Variants in RNGTT observed in about 807,000 individuals in gnomAD.
The protein encoded by RNGTT is RNA guanylyltransferase and 5'-phosphatase.
Under a neutral mutation model 79.3 loss-of-function variants are expected in RNGTT, and 33 were observed. That is an observed-to-expected ratio of 0.42 (90% CI 0.32 to 0.56). The LOEUF (loss-of-function observed/expected upper bound fraction) is 0.56. Among genes scored for constraint, RNGTT ranks in the 20% least tolerant of loss-of-function variants. The probability of loss-of-function intolerance (pLI) is 0.17; values close to 1 mark genes in which losing one functional copy is unlikely to be tolerated. For missense variants in RNGTT, 497 were observed against 739.1 expected, an observed-to-expected ratio of 0.67 and a Z score of 3.80; for synonymous variants, 222 against 235.9, an observed-to-expected ratio of 0.94 and a Z score of 0.54.
At chr6:88,843,911 A>T (rs1234651070) in intron 11 of RNGTT, among the ~76,000 whole-genome samples, 1 of 149,080 alleles carries the variant, frequency 6.7e-6, no homozygotes, top group Non-Finnish European at 1.5e-5. Context: ...GAAAACCTTC[A>T]ATGTATGTGT....
intron 13 of RNGTT, among the ~76,000 whole-genome samples, chr6:88,749,891 T>C (rs1777785392): frequency 2.0e-5 from 3 of 152,178 alleles, no homozygotes; most frequent in Admixed American, 2.0e-4. Flanking sequence ...GAAGAATGCT[T>C]TCTTGCCTCT....
chr6:88,843,051 A>G (rs1234728608), intron 11 of RNGTT, among the ~76,000 whole-genome samples: 1 of 151,854 alleles, frequency 6.6e-6, no homozygotes, highest in Non-Finnish European at 1.5e-5. Flanking sequence ...CTCCAGGCTG[A>G]GCAAGAGTGA....
At chr6:88,834,966 T>C (rs1781015741) in intron 11 of RNGTT, among the ~76,000 whole-genome samples, 1 of 152,136 alleles carries the variant, frequency 6.6e-6, no homozygotes, top group African/African-American at 2.4e-5. Flanking sequence ...AGTAAAAGAA[T>C]AACCTTTGTA....
At chr6:88,844,324 T>C (rs1781415385) in intron 11 of RNGTT, 33 bp downstream of exon 11, 4 of 1,574,346 alleles carry the variant, frequency 2.5e-6, no homozygotes, top group Admixed American at 1.7e-5. Context: ...TGAGACATTA[T>C]TAGCACTAAT....
At chr6:88,761,913 G>A (rs1010746517) in intron 13 of RNGTT, among the ~76,000 whole-genome samples, 4 of 152,118 alleles carry the variant, frequency 2.6e-5, no homozygotes, top group Non-Finnish European at 5.9e-5. Flanking sequence ...TAGTGGTCGT[G>A]TCTGTTTAAA....
intron 8 of RNGTT, among the ~76,000 whole-genome samples, chr6:88,859,672 C>T (rs926285971): frequency 1.3e-5 from 2 of 152,134 alleles, no homozygotes; most frequent in African/African-American, 4.8e-5. Flanking sequence ...GGATGCCTTG[C>T]CCAGAAGCTG....
intron 11 of RNGTT, among the ~76,000 whole-genome samples, chr6:88,842,621 TG>T (rs1280579243): frequency 6.6e-6 from 1 of 152,106 alleles, no homozygotes; most frequent in African/African-American, 2.4e-5. Context: ...CCTGAAGGAA[TG>T]GAAGAGTAAA....
chr6:88,797,405 G>C (rs1779633631), intron 12 of RNGTT, among the ~76,000 whole-genome samples: 1 of 152,104 alleles, frequency 6.6e-6, no homozygotes, highest in African/African-American at 2.4e-5. Flanking sequence ...AAAAGATAAA[G>C]TCAAAAAAGT....
At chr6:88,707,616 C>G (rs565130990) in intron 13 of RNGTT, among the ~76,000 whole-genome samples, 1 of 151,844 alleles carries the variant, frequency 6.6e-6, no homozygotes, top group South Asian at 2.1e-4. Context: ...AATGTCAGTG[C>G]CTGTTTCCCT....
In RNGTT at chr6:88,678,427, GA is replaced by G. The variant is rs760842093; in HGVS notation, c.1440-9del. On this transcript the variant is annotated splice_polypyrimidine_tract_variant and intron_variant, in intron 13 of 15. Coordinates refer to ENST00000369485, the MANE Select transcript of RNGTT (RefSeq NM_003800.5). ...ACATTCTGAGGAAGTAACCTACAAA[GA>G]AAAAAAAGCATTATTTATAAAATAC... is the stretch of plus-strand genomic sequence containing the variant. The G allele has an allele frequency of 3.7e-4, 513 of 1,385,444 alleles. No homozygotes were observed. The highest frequency in any genetic ancestry group is 4.6e-4 in the Non-Finnish European group (486 of 1,059,450). The allele number at this position is 1,385,444 out of a possible 1,614,324, so 85.8% of individuals were successfully genotyped here.
chr6:88,648,472 A>G (rs867918200), intron 14 of RNGTT, among the ~76,000 whole-genome samples: 1 of 126,994 alleles, frequency 7.9e-6, no homozygotes, highest in African/African-American at 4.0e-5. Flanking sequence ...TTAAAGTATT[A>G]TAATAATAAT....
At chr6:88,708,107 C>T (rs1373572259) in intron 13 of RNGTT, among the ~76,000 whole-genome samples, 1 of 151,948 alleles carries the variant, frequency 6.6e-6, no homozygotes, top group Non-Finnish European at 1.5e-5. Flanking sequence ...TATGAATACA[C>T]TTTGTAACTT....
intron 12 of RNGTT, among the ~76,000 whole-genome samples, chr6:88,780,945 G>T (rs1421638595): frequency 2.6e-5 from 4 of 152,154 alleles, no homozygotes; most frequent in Non-Finnish European, 4.4e-5. Flanking sequence ...GGCAATGCGT[G>T]GAGACATTTT....
intron 2 of RNGTT, among the ~76,000 whole-genome samples, chr6:88,930,165 C>CATATATATGT (rs1398536895): frequency 1.4e-5 from 2 of 147,070 alleles, no homozygotes; most frequent in African/African-American, 5.0e-5. Context: ...TACATATATA[C>CATATATATGT]ATATACATAT....
At chr6:88,796,929 T>C (rs1380420638) in intron 12 of RNGTT, among the ~76,000 whole-genome samples, 1 of 152,090 alleles carries the variant, frequency 6.6e-6, no homozygotes, top group East Asian at 1.9e-4. Context: ...TCTGGAAATT[T>C]CTGACATTTA....
intron 4 of RNGTT, among the ~76,000 whole-genome samples, chr6:88,923,059 C>T (rs1489610536): frequency 6.6e-6 from 1 of 152,138 alleles, no homozygotes; most frequent in Non-Finnish European, 1.5e-5. Flanking sequence ...ACTTTTAAGA[C>T]TTTAGGTAAG....
intron 13 of RNGTT, among the ~76,000 whole-genome samples, chr6:88,722,283 T>C (rs1232423963): frequency 6.6e-6 from 1 of 151,968 alleles, no homozygotes; most frequent in Non-Finnish European, 1.5e-5. Flanking sequence ...AACAAATATA[T>C]ACAAATTTTA....
chr6:88,651,241 G>C (rs1297938898), intron 14 of RNGTT, among the ~76,000 whole-genome samples: 1 of 152,116 alleles, frequency 6.6e-6, no homozygotes, highest in East Asian at 1.9e-4. Flanking sequence ...GCAGAACTCA[G>C]AAAGGGTTCA....
At chr6:88,620,031 G>A (rs1429628309) in intron 14 of RNGTT, among the ~76,000 whole-genome samples, 1 of 152,166 alleles carries the variant, frequency 6.6e-6, no homozygotes, top group Non-Finnish European at 1.5e-5. Context: ...AGTAAAATAC[G>A]TGTCACGTTA....
Sources: allele counts gnomAD v4.1 joint callset (sites outside exome capture counted in the v4.1 genomes callset), GRCh38; gene constraint gnomAD v4.1.1; transcripts MANE v1.5; gene names NCBI Gene and HGNC (gene_info 2026-07-23, HGNC 2026-07-21).